QSER1: variants seen among roughly 807,000 people sequenced by gnomAD.
QSER1 encodes the protein glutamine and serine-rich protein 1.
In QSER1, 49 loss-of-function variants were observed where a neutral mutation model predicts 158.5. That is an observed-to-expected ratio of 0.31 (90% confidence interval 0.25 to 0.39). The LOEUF is 0.39. QSER1 is among the 10% of genes least tolerant of loss of function. The probability of loss-of-function intolerance (pLI) is 1.00; values close to 1 mark genes in which losing one functional copy is unlikely to be tolerated. For missense variants in QSER1, 1,754 were observed against 2,010.3 expected, an observed-to-expected ratio of 0.87 and a Z score of 2.44; for synonymous variants, 650 against 715.5, an observed-to-expected ratio of 0.91 and a Z score of 1.46.
In QSER1 at chr11:32,955,418, TA is replaced by T. The variant is rs758795390; in HGVS notation, c.4617+10del. 7.2e-6 allele frequency: 10 copies of T among 1,391,954 alleles called. No homozygotes were observed. In the African/African-American group the frequency reaches 1.5e-4, roughly 20 times the overall value. 86.2% of individuals were successfully genotyped at this position (1,391,954 alleles called of 1,614,324 possible). On this transcript the variant is annotated splice_region_variant and intron_variant, in intron 6 of 12. Transcript: ENST00000650167. ...AATTTGCTGCTACAAATAGTGTAAG[TA>T]AAATGCATGTTTACATTAGCCTTAT...
chr11:32,925,897 A>G (rs1851964391), intron 1 of QSER1: 1 of 152,216 alleles, frequency 6.6e-6, no homozygotes, highest in African/African-American at 2.4e-5. Context: ...TAATGAGACA[A>G]ACTGACACTG....
rs577502180 is a variant in QSER1 at position 32,932,756 on chromosome 11, C to T, written c.1498C>T (p.Pro500Ser). 5.3e-5 allele frequency: 86 copies of T among 1,614,076 alleles called. No homozygotes were observed. The South Asian group carries it at 8.8e-4, about 16-fold the overall frequency. The change falls in exon 4 of 13, where the codon CCC becomes TCC. Residue 500 changes from proline to serine, a missense_variant. Pro to Ser is a moderately conservative substitution (Grantham distance 74). Around this residue, in one of 2 missense-constraint regions of QSER1, gnomAD observed 1,707 missense variants for 1,919.6 expected, o/e 0.89. Transcript: ENST00000650167. ...YRSSKVEKLP[P>S]LYKTLTFSGS... ...GTCCAGCAAGGTTGAGAAATTGCCACCCTTGTATAAAACATTGACTTTTTC... is the reference window on the plus strand; with the variant it reads ...GTCCAGCAAGGTTGAGAAATTGCCATCCTTGTATAAAACATTGACTTTTTC...
intron 3 of QSER1, among the ~76,000 whole-genome samples, chr11:32,930,516 A>G (rs1381060213): frequency 1.3e-5 from 2 of 152,222 alleles, no homozygotes; most frequent in Non-Finnish European, 2.9e-5. Context: ...AGGTTCACAT[A>G]AAACATTTAA....
At chr11:32,916,371 T>A (rs906610183) in intron 1 of QSER1, among the ~76,000 whole-genome samples, 1 of 152,202 alleles carries the variant, frequency 6.6e-6, no homozygotes, top group Non-Finnish European at 1.5e-5. Context: ...AGCAGTCTTT[T>A]CCTAGTTTCC....
chr11:32,908,762 G>C (rs1212545605), intron 1 of QSER1, among the ~76,000 whole-genome samples: 2 of 152,172 alleles, frequency 1.3e-5, no homozygotes, highest in African/African-American at 4.8e-5. Context: ...CATGTTTCCG[G>C]TGTAAGTATC....
chr11:32,945,205 G>C (rs1180199494), intron 4 of QSER1, among the ~76,000 whole-genome samples: 3 of 146,766 alleles, frequency 2.0e-5, no homozygotes, highest in Admixed American at 1.4e-4. Context: ...GCCAGTCTGT[G>C]TCTTTTAATT....
intron 4 of QSER1, among the ~76,000 whole-genome samples, chr11:32,942,861 A>G (rs1480623011): frequency 1.3e-5 from 2 of 152,138 alleles, no homozygotes; most frequent in African/African-American, 4.8e-5. Context: ...CTTCCTACCC[A>G]TGAGCATGGA....
At chr11:32,927,916 A>AT (rs1851994790) in intron 2 of QSER1, 46 bp from the exon 3 acceptor site, 14 of 375,632 alleles carry the variant, frequency 3.7e-5, no homozygotes, top group South Asian at 5.7e-5. Context: ...TATACAAGTA[A>AT]ATTTTTTTTT....
At chr11:32,919,615 C>A (rs1299688208) in intron 1 of QSER1, among the ~76,000 whole-genome samples, 2 of 152,148 alleles carry the variant, frequency 1.3e-5, no homozygotes, top group South Asian at 2.1e-4. Context: ...TGTCAGGTTT[C>A]TACACTGTAA....
chr11:32,895,379 G>A (rs1851541717), intron 1 of QSER1, among the ~76,000 whole-genome samples: 1 of 152,028 alleles, frequency 6.6e-6, no homozygotes, highest in African/African-American at 2.4e-5. Context: ...TTGGGATCAG[G>A]CCATCTGTAC....
At chr11:32,920,268 A>G (rs1851884391) in intron 1 of QSER1, among the ~76,000 whole-genome samples, 1 of 152,240 alleles carries the variant, frequency 6.6e-6, no homozygotes. Context: ...TTTTGAAAAT[A>G]GCAGTTGGGC....
At position 32,934,705 on chromosome 11, in the gene QSER1, A is replaced by C. The variant is rs1852113944; in HGVS notation, c.3447A>C (p.Thr1149=). Residue 1149 remains threonine, a synonymous_variant, in exon 4 of 13, where the codon ACA becomes ACC. Transcript: ENST00000650167. ...GAAGTATAAGTGGAGAGAATGCTAC[A>C]TCAGAGAGTGAATTTACCTTAGGGG... ...SSRSISGENA[T]SESEFTLGGD... The C allele has an allele frequency of 1.2e-6, 2 of 1,613,640 alleles. No individual in the cohort carries two copies. Among genetic ancestry groups the C allele is most frequent in the South Asian group, 1.1e-5 (1 of 91,042 alleles).
At chr11:32,971,799 C>T (rs907736976) in intron 10 of QSER1, among the ~76,000 whole-genome samples, 1 of 152,084 alleles carries the variant, frequency 6.6e-6, no homozygotes, top group African/African-American at 2.4e-5. Context: ...CGCGGTGGCT[C>T]ACGCCTGAAA....
In QSER1 at chr11:32,977,407, G is replaced by A. The variant is rs1852996565; in HGVS notation, c.*933G>A. The A allele has an allele frequency of 6.6e-6, 1 of 152,504 alleles. No homozygotes were observed. The highest frequency in any genetic ancestry group is 1.5e-5 in the Non-Finnish European group (1 of 67,988). The allele number at this position is 152,504 out of a possible 1,614,324, so 9.4% of individuals were successfully genotyped here. On this transcript the variant is annotated 3_prime_UTR_variant, in exon 13 of 13. Transcript: ENST00000650167. Reference sequence around the variant, plus strand: ...TGCATTCAGTACTAGAATTAGTTTAGCTTTATAAATAGGGCTGTGTTAGAC... The same window carrying A: ...TGCATTCAGTACTAGAATTAGTTTAACTTTATAAATAGGGCTGTGTTAGAC...
intron 7 of QSER1, among the ~76,000 whole-genome samples, chr11:32,957,115 CTTTTTTTTCT>C (rs1195494332): frequency 2.0e-4 from 28 of 139,642 alleles, no homozygotes; most frequent in East Asian, 8.3e-4. Context: ...TTGGGTTTTT[CTTTTTTTTCT>C]TTTTTTTTCT....
rs540120259 is a variant in QSER1, at chr11:32,946,323, G to T, written c.4178-7534G>T. ...AGGAGGAGAGACGCTCTGATTTTTA[G>T]AGTTTCCAGTTTTTCTGTTCTGCTT... On this transcript the variant is annotated intron_variant, in intron 4 of 12. Transcript: ENST00000650167. Among the ~76,000 whole-genome samples the T allele has an allele frequency of 1.5e-4, 23 of 152,288 alleles. No homozygotes were observed. The South Asian group carries it at 3.7e-3, about 25-fold the overall frequency.
chr11:32,939,276 G>C lies in QSER1; in HGVS notation c.4177+3841G>C, dbSNP rs185301146. The stretch of plus-strand genomic sequence containing the variant: ...TCTCAAGAATGTAATGAAACCAAAA[G>C]TGGTGTTTCCCTTCAGTTTTGTTTG... On this transcript the variant is annotated intron_variant, in intron 4 of 12. Transcript: ENST00000650167. Among the ~76,000 whole-genome samples, 434 of 152,274 alleles carry C rather than the reference G, an allele frequency of 2.9e-3. 1 individual carries two copies. Among genetic ancestry groups the C allele is most frequent in the Non-Finnish European group, 4.7e-3 (318 of 68,016 alleles).
chr11:32,904,056 C>T (rs1446347191), intron 1 of QSER1, among the ~76,000 whole-genome samples: 1 of 152,154 alleles, frequency 6.6e-6, no homozygotes, highest in South Asian at 2.1e-4. Context: ...GTTTTAATTT[C>T]GGCTACATGC....
intron 4 of QSER1, among the ~76,000 whole-genome samples, chr11:32,950,004 C>G (rs1472879633): frequency 6.6e-6 from 1 of 152,226 alleles, no homozygotes; most frequent in African/African-American, 2.4e-5. Context: ...AGAATTCACT[C>G]TCTTCAGAGT....
Sources: gnomAD v4.1 joint callset for allele counts (sites outside exome capture counted in the v4.1 genomes callset) on GRCh38, gnomAD v4.1.1 for gene constraint, gnomAD v4.1.1 regional missense constraint, MANE v1.5 for transcripts, NCBI Gene and HGNC (gene_info 2026-07-23, HGNC 2026-07-21) for gene names.